The following FGF14 variants were observed in gnomAD, a reference collection of about 807,000 sequenced individuals.
FGF14 encodes the protein fibroblast growth factor 14, also known as fibroblast growth factor homologous factor 4.
A neutral mutation model predicts 25.5 loss-of-function variants in FGF14; 5 were observed. The observed-to-expected ratio is 0.20, with a 90% CI of 0.10 to 0.41. The LOEUF is 0.41. Ranked by LOEUF, FGF14 falls within the 10% of genes least tolerant of loss-of-function variation. The pLI is 1.00. For synonymous variants in FGF14, 138 were observed against 118.3 expected (o/e 1.17, Z -1.08); for missense variants, 222 against 320.1 (o/e 0.69, Z 2.34).
At position 101,900,757 on chromosome 13, in the gene FGF14, T is replaced by G. The variant is rs933453997; in HGVS notation, c.193+15696A>C. On this transcript the variant is annotated intron_variant, in intron 1 of 4. Transcript: ENST00000376143. The stretch of plus-strand genomic sequence containing the variant: ...TTGATCCGCATGGTCTTCACACAAG[T>G]GTATTTATTCACTCTGTAAAAATTA... Among the ~76,000 whole-genome samples, 9 of 152,176 alleles carry G rather than the reference T, an allele frequency of 5.9e-5. No homozygotes were observed. The South Asian group carries it at 1.4e-3, about 25-fold the overall frequency.
At chr13:101,991,891 A>C (rs934119166) in intron 1 of FGF14, among the ~76,000 whole-genome samples, 1 of 152,114 alleles carries the variant, frequency 6.6e-6, no homozygotes, top group African/African-American at 2.4e-5. Context: ...TCCTTCACGC[A>C]GGGAGAAGGA....
At chr13:101,821,172 T>C (rs1367150723) in intron 3 of FGF14, among the ~76,000 whole-genome samples, 1 of 152,064 alleles carries the variant, frequency 6.6e-6, no homozygotes, top group Non-Finnish European at 1.5e-5. Context: ...ATGTTCTCGA[T>C]CTCCTGACCT....
chr13:101,724,136 C>CTATT (rs2035195663), intron 4 of FGF14, among the ~76,000 whole-genome samples: 1 of 152,024 alleles, frequency 6.6e-6, no homozygotes, highest in Non-Finnish European at 1.5e-5. Context: ...TCCCTCACTC[C>CTATT]TATTACTAAT....
chr13:102,304,547 C>T (rs1311771074), intron 1 of FGF14, among the ~76,000 whole-genome samples: 1 of 152,174 alleles, frequency 6.6e-6, no homozygotes, highest in Non-Finnish European at 1.5e-5. Context: ...AAGAGGGACT[C>T]CAGTGATTCT....
intron 1 of FGF14, among the ~76,000 whole-genome samples, chr13:102,099,457 T>C (rs1311891046): frequency 2.0e-5 from 3 of 152,084 alleles, no homozygotes; most frequent in Non-Finnish European, 4.4e-5. Flanking sequence ...TTGTCAATGA[T>C]AAAAACAAAA....
At chr13:102,361,692 A>G (rs1467997497) in intron 1 of FGF14, among the ~76,000 whole-genome samples, 1 of 152,090 alleles carries the variant, frequency 6.6e-6, no homozygotes, top group Non-Finnish European at 1.5e-5. Flanking sequence ...TCGTTTCCAA[A>G]CTTTTGTCTT....
intron 1 of FGF14, among the ~76,000 whole-genome samples, chr13:102,084,361 C>CA (rs1469559787): frequency 8.5e-5 from 13 of 152,090 alleles, no homozygotes; most frequent in Admixed American, 7.9e-4. Context: ...TGCCCCAGCA[C>CA]AAAAAACTAG....
chr13:102,075,964 G>C (rs982911639), intron 1 of FGF14, among the ~76,000 whole-genome samples: 1 of 152,144 alleles, frequency 6.6e-6, no homozygotes, highest in Non-Finnish European at 1.5e-5. Flanking sequence ...TTTTTATAGA[G>C]CTGTGCAATG....
rs142525036 is a variant in FGF14, at chr13:101,915,295, A to G, written c.193+1158T>C. On this transcript the variant is annotated intron_variant, in intron 1 of 4. Coordinates refer to ENST00000376143, the MANE Select transcript of FGF14 (RefSeq NM_004115.4). ...TTTGCAAATGTAAGGACACGCACTC[A>G]CTCTTTGAGAAACACATGTATAGCT... is the stretch of plus-strand genomic sequence containing the variant. Among the ~76,000 whole-genome samples, 3 of 152,254 alleles carry G rather than the reference A, an allele frequency of 2.0e-5. No homozygotes were observed. In the East Asian group the frequency reaches 5.8e-4, roughly 29 times the overall value.
At chr13:102,274,617 T>C (rs2053416436) in intron 1 of FGF14, among the ~76,000 whole-genome samples, 1 of 152,042 alleles carries the variant, frequency 6.6e-6, no homozygotes, top group Admixed American at 6.6e-5. Flanking sequence ...CTCATATATA[T>C]AATATATTTT....
rs555296811 is a variant in FGF14, at chr13:101,847,418, T to TAG, written c.408+21305_408+21306dup. Among the ~76,000 whole-genome samples, 7 of 152,200 alleles carry TAG rather than the reference T, an allele frequency of 4.6e-5. No individual in the cohort carries two copies. The South Asian group carries it at 1.5e-3, about 32-fold the overall frequency. ...TTAGGTGCTAACATTAAGTATAACT[T>TAG]AGCTCTTTTATCTCTGAATCAGAAA... On this transcript the variant is annotated intron_variant, in intron 3 of 4. Transcript: ENST00000376143.
intron 1 of FGF14, among the ~76,000 whole-genome samples, chr13:102,056,939 ATTTG>A (rs1300165563): frequency 2.0e-5 from 3 of 151,498 alleles, no homozygotes; most frequent in South Asian, 4.2e-4. Flanking sequence ...TATATAAATA[ATTTG>A]TTTTTCAACT....
intron 1 of FGF14, among the ~76,000 whole-genome samples, chr13:101,883,798 C>A (rs569345643): frequency 6.6e-6 from 1 of 151,972 alleles, no homozygotes; most frequent in African/African-American, 2.4e-5. Flanking sequence ...TATGGTGGCT[C>A]ACACCTGTAA....
chr13:102,154,621 T>A (rs1289034230), intron 1 of FGF14, among the ~76,000 whole-genome samples: 5 of 151,996 alleles, frequency 3.3e-5, no homozygotes, highest in Non-Finnish European at 7.4e-5. Context: ...ACGAGCAAAA[T>A]AACCAGCTAA....
At chr13:102,357,304 G>A (rs986824108) in intron 1 of FGF14, among the ~76,000 whole-genome samples, 18 of 151,952 alleles carry the variant, frequency 1.2e-4, no homozygotes, top group African/African-American at 3.9e-4. Context: ...ACACCTGCAT[G>A]CACACTCCAG....
At chr13:102,135,769 C>T (rs2046385660) in intron 1 of FGF14, among the ~76,000 whole-genome samples, 1 of 152,178 alleles carries the variant, frequency 6.6e-6, no homozygotes, top group Admixed American at 6.5e-5. Flanking sequence ...GATTCTCCTA[C>T]CTCAGCCTCC....
At chr13:102,310,622 T>C (rs2055680430) in intron 1 of FGF14, among the ~76,000 whole-genome samples, 2 of 146,800 alleles carry the variant, frequency 1.4e-5, no homozygotes, top group South Asian at 4.5e-4. Context: ...GAATAAAACC[T>C]TCTTTCCTTT....
intron 1 of FGF14, among the ~76,000 whole-genome samples, chr13:102,096,094 C>T (rs1174355427): frequency 6.6e-6 from 1 of 150,598 alleles, no homozygotes; most frequent in African/African-American, 2.4e-5. Flanking sequence ...GATACATTGC[C>T]TTATATATAC....
chr13:101,986,125 A>G (rs1477720426), intron 1 of FGF14, among the ~76,000 whole-genome samples: 1 of 152,150 alleles, frequency 6.6e-6, no homozygotes, highest in Non-Finnish European at 1.5e-5. Context: ...CAAGTTGACT[A>G]TTATTTAGGT....
Sources: allele counts gnomAD v4.1 joint callset (sites outside exome capture counted in the v4.1 genomes callset), GRCh38; gene constraint gnomAD v4.1.1; transcripts MANE v1.5; gene names NCBI Gene and HGNC (gene_info 2026-07-23, HGNC 2026-07-21).